The following UBE2N variants were observed in gnomAD, a reference collection of about 807,000 sequenced individuals.
UBE2N encodes the protein ubiquitin-conjugating enzyme E2 N.
For missense variants in UBE2N, 60 were observed against 192.1 expected, an observed-to-expected ratio of 0.31 and a Z score of 4.07; for synonymous variants, 70 against 69.2, an observed-to-expected ratio of 1.01 and a Z score of -0.06.
chr12:93,409,850 C>T lies in UBE2N; in HGVS notation c.*189G>A, dbSNP rs1877982828. ...CCAGATGATACTTCTAGCCTCTGCTCATGCTTTATGACAGTGAATCAGGAC... is the reference window on the plus strand; with the variant it reads ...CCAGATGATACTTCTAGCCTCTGCTTATGCTTTATGACAGTGAATCAGGAC... On this transcript the variant is annotated 3_prime_UTR_variant, in exon 4 of 4. Transcript: ENST00000318066. 1 of 622,738 alleles carries T rather than the reference C, an allele frequency of 1.6e-6. No homozygotes were observed. Among genetic ancestry groups the T allele is most frequent in the Non-Finnish European group, 2.9e-6 (1 of 348,592 alleles). 38.6% of individuals were successfully genotyped at this position (622,738 alleles called of 1,614,324 possible).
chr12:93,414,265 C>T (rs1878127300), intron 1 of UBE2N, among the ~76,000 whole-genome samples: 1 of 151,808 alleles, frequency 6.6e-6, no homozygotes, highest in South Asian at 2.1e-4. Flanking sequence ...GCCTGATCAA[C>T]ATGGAGAAAT....
At chr12:93,429,467 C>T (rs1878692570) in intron 1 of UBE2N, among the ~76,000 whole-genome samples, 1 of 151,510 alleles carries the variant, frequency 6.6e-6, no homozygotes, top group African/African-American at 2.4e-5. Context: ...GACAGTGGTC[C>T]CACAACATTA....
chr12:93,405,734 T>C lies in UBE2N; in HGVS notation c.*4305A>G, dbSNP rs931698895. On this transcript the variant is annotated 3_prime_UTR_variant, in exon 4 of 4. Coordinates refer to ENST00000318066, the MANE Select transcript of UBE2N (RefSeq NM_003348.4). The stretch of plus-strand genomic sequence containing the variant: ...ATTATTTACACTTCTCTCAAATTAT[T>C]ACATTCAGCATGTTTTGCTTTTTAT... The C allele has an allele frequency of 2.0e-5, 3 of 152,230 alleles. No individual in the cohort carries two copies. The highest frequency in any genetic ancestry group is 7.2e-5 in the African/African-American group (3 of 41,456). The allele number at this position is 152,230 out of a possible 1,614,324, so 9.4% of individuals were successfully genotyped here.
At chr12:93,441,723 C>A in intron 1 of UBE2N, 132 bp downstream of exon 1, 1 of 1,280,054 alleles carries the variant, frequency 7.8e-7, no homozygotes. Flanking sequence ...GCCGCCGCGG[C>A]CAACCCCTCT....
intron 1 of UBE2N, among the ~76,000 whole-genome samples, chr12:93,420,388 G>A (rs17021222): frequency 1.4e-3 from 218 of 152,152 alleles, no homozygotes; most frequent in African/African-American, 5.1e-3. Flanking sequence ...GGAGCTGGAG[G>A]GACTTCTGAA....
At chr12:93,422,926 C>T (rs1878462167) in intron 1 of UBE2N, among the ~76,000 whole-genome samples, 1 of 152,234 alleles carries the variant, frequency 6.6e-6, no homozygotes, top group Admixed American at 6.5e-5. Context: ...TTTTAAGTAA[C>T]TTGTAGAAAA....
At chr12:93,435,635 A>T (rs1240667314) in intron 1 of UBE2N, among the ~76,000 whole-genome samples, 2 of 152,216 alleles carry the variant, frequency 1.3e-5, no homozygotes, top group Non-Finnish European at 2.9e-5. Flanking sequence ...TCAAATAAAT[A>T]AAAGGTGAGT....
At position 93,423,379 on chromosome 12, in the gene UBE2N, C is replaced by T. The variant is rs74710589; in HGVS notation, c.31-12080G>A. 4.8e-3 allele frequency among the ~76,000 whole-genome samples: 724 copies of T among 152,218 alleles called. 6 individuals carry two copies. The highest frequency in any genetic ancestry group is 0.016 in the African/African-American group (672 of 41,524). Reference sequence around the variant, plus strand: ...AAGGTTAAGAGTTAGCAGACCAAGGCAGGAGGGGGTTGGGGGCTGGTAAAT... The same window carrying T: ...AAGGTTAAGAGTTAGCAGACCAAGGTAGGAGGGGGTTGGGGGCTGGTAAAT... On this transcript the variant is annotated intron_variant, in intron 1 of 3. Transcript: ENST00000318066.
intron 1 of UBE2N, among the ~76,000 whole-genome samples, chr12:93,420,025 A>AC (rs1394777427): frequency 6.6e-6 from 1 of 151,978 alleles, no homozygotes; most frequent in Non-Finnish European, 1.5e-5. Context: ...CTCAAGACAC[A>AC]CCCCTCCCTT....
chr12:93,429,967 A>T (rs116219562), intron 1 of UBE2N, among the ~76,000 whole-genome samples: 11,502 of 152,182 alleles, frequency 0.076, 462 homozygotes, highest in South Asian at 0.14. Context: ...ATTTTAAAAA[A>T]TTTTTTGGTG....
At chr12:93,413,895 C>T (rs1393175417) in intron 1 of UBE2N, among the ~76,000 whole-genome samples, 1 of 152,248 alleles carries the variant, frequency 6.6e-6, no homozygotes, top group Non-Finnish European at 1.5e-5. Context: ...GGTGCGGTGG[C>T]TCACGCCTGT....
At chr12:93,427,292 G>A (rs1878625091) in intron 1 of UBE2N, among the ~76,000 whole-genome samples, 1 of 152,186 alleles carries the variant, frequency 6.6e-6, no homozygotes, top group Admixed American at 6.5e-5. Flanking sequence ...AAGCAATGCA[G>A]GCTTCACATG....
In UBE2N at chr12:93,406,295, AAAAAAAAAAAG is replaced by A. The variant is rs1420812240; in HGVS notation, c.*3733_*3743del. 7.2e-4 allele frequency: 104 copies of A among 144,846 alleles called. No homozygotes were observed. Among genetic ancestry groups the A allele is most frequent in the Non-Finnish European group, 1.1e-3 (71 of 66,422 alleles). 9.0% of individuals were successfully genotyped at this position (144,846 alleles called of 1,614,324 possible). ...GCAGCCAAAAAAAAAAAAAAAAAAA[AAAAAAAAAAAG>A]GTTCCTGAACCATTCAACAGAAAAA... is the stretch of plus-strand genomic sequence containing the variant. On this transcript the variant is annotated 3_prime_UTR_variant, in exon 4 of 4. Coordinates refer to ENST00000318066, the MANE Select transcript of UBE2N (RefSeq NM_003348.4).
chr12:93,419,101 T>C (rs943697678), intron 1 of UBE2N, among the ~76,000 whole-genome samples: 5 of 152,220 alleles, frequency 3.3e-5, no homozygotes, highest in Non-Finnish European at 7.3e-5. Flanking sequence ...AAAAATTCTA[T>C]ACAAAAAGTA....
At chr12:93,425,262 A>G (rs1185063544) in intron 1 of UBE2N, among the ~76,000 whole-genome samples, 1 of 152,226 alleles carries the variant, frequency 6.6e-6, no homozygotes, top group Non-Finnish European at 1.5e-5. Flanking sequence ...TGCCATACAT[A>G]AACATACATT....
intron 1 of UBE2N, among the ~76,000 whole-genome samples, chr12:93,419,447 G>A (rs1487864833): frequency 1.3e-5 from 2 of 151,474 alleles, no homozygotes; most frequent in Non-Finnish European, 2.9e-5. Flanking sequence ...AGAAATGCAT[G>A]TAACAACAGT....
At chr12:93,418,827 A>G (rs1878304178) in intron 1 of UBE2N, among the ~76,000 whole-genome samples, 1 of 152,240 alleles carries the variant, frequency 6.6e-6, no homozygotes, top group African/African-American at 2.4e-5. Context: ...GTATGAAATT[A>G]ATGATGTATT....
chr12:93,431,696 A>G (rs1371158900), intron 1 of UBE2N, among the ~76,000 whole-genome samples: 1 of 152,246 alleles, frequency 6.6e-6, no homozygotes, highest in African/African-American at 2.4e-5. Context: ...TATGAATTTC[A>G]TAATTAGAAA....
intron 1 of UBE2N, among the ~76,000 whole-genome samples, chr12:93,437,075 C>T (rs1878955835): frequency 6.6e-6 from 1 of 151,656 alleles, no homozygotes; most frequent in South Asian, 2.1e-4. Context: ...ACAGCCTAGG[C>T]AACATGGCAA....
Sources: gnomAD v4.1 joint callset for allele counts (sites outside exome capture counted in the v4.1 genomes callset) on GRCh38, gnomAD v4.1.1 for gene constraint, MANE v1.5 for transcripts, NCBI Gene and HGNC (gene_info 2026-07-23, HGNC 2026-07-21) for gene names.